Variants in B4GALT1 observed in about 807,000 individuals in gnomAD.
B4GALT1 encodes the protein beta-1,4-galactosyltransferase 1.
In B4GALT1, 16 loss-of-function variants were observed where a neutral mutation model predicts 34.9. The ratio of observed to expected loss-of-function variants is 0.46; its 90% CI spans 0.31 to 0.70. The LOEUF (loss-of-function observed/expected upper bound fraction) is 0.70. Ranked by LOEUF, B4GALT1 falls within the 30% of genes least tolerant of loss-of-function variation. B4GALT1 has a pLI of 0.05. For missense variants in B4GALT1, 445 were observed against 530.5 expected (o/e 0.84, Z 1.58); for synonymous variants, 221 against 218.1 (o/e 1.01, Z -0.12).
chr9:33,170,171 C>G (rs912279831), upstream of B4GALT1, among the ~76,000 whole-genome samples: 3 of 151,682 alleles, frequency 2.0e-5, no homozygotes, highest in South Asian at 4.2e-4. Flanking sequence ...GGGGTTTCAC[C>G]GTGTTATCCA....
At chr9:33,137,804 G>A (rs970652483) in intron 1 of B4GALT1, among the ~76,000 whole-genome samples, 1 of 152,134 alleles carries the variant, frequency 6.6e-6, no homozygotes, top group Admixed American at 6.5e-5. Context: ...AGGGCCCTCG[G>A]GGATTCCCAC....
At chr9:33,153,104 A>T (rs1428656541) in intron 1 of B4GALT1, among the ~76,000 whole-genome samples, 1 of 152,180 alleles carries the variant, frequency 6.6e-6, no homozygotes, top group Non-Finnish European at 1.5e-5. Context: ...CTTCATCAGT[A>T]ATCAGAGAAA....
In B4GALT1 at chr9:33,147,864, T is replaced by C. The variant is rs10453199; in HGVS notation, c.413-12440A>G. ...CCTGAGCAACATATTAAGACTTCCATCTCTAAAAAATAAAATAAAATTAGC... is the reference window on the plus strand; with the variant it reads ...CCTGAGCAACATATTAAGACTTCCACCTCTAAAAAATAAAATAAAATTAGC... On this transcript the variant is annotated intron_variant, in intron 1 of 5. Transcript: ENST00000379731. 6.0e-3 allele frequency among the ~76,000 whole-genome samples: 914 copies of C among 151,682 alleles called. 12 individuals carry two copies. The highest frequency in any genetic ancestry group is 0.021 in the African/African-American group (850 of 41,452).
upstream of B4GALT1, among the ~76,000 whole-genome samples, chr9:33,171,609 C>T (rs1034665698): frequency 1.3e-5 from 2 of 151,906 alleles, no homozygotes; most frequent in Admixed American, 1.3e-4. Flanking sequence ...GCCTGTAGTG[C>T]AGTGGTGTGA....
intron 2 of B4GALT1, among the ~76,000 whole-genome samples, chr9:33,129,911 G>A (rs1005807306): frequency 1.3e-5 from 2 of 152,204 alleles, no homozygotes; most frequent in African/African-American, 4.8e-5. Context: ...GGAAGTGGCT[G>A]GAGGTAGGTC....
At chr9:33,184,467 G>A in the B4GALT1 span, among the ~76,000 whole-genome samples, 1 of 152,158 alleles carries the variant, frequency 6.6e-6, no homozygotes, top group Non-Finnish European at 1.5e-5. Context: ...TCGCCTGCAA[G>A]ACAAAGCAAG....
chr9:33,173,591 G>GGTATGT, the B4GALT1 span, among the ~76,000 whole-genome samples: 59 of 143,166 alleles, frequency 4.1e-4, no homozygotes, highest in African/African-American at 1.5e-3. Context: ...AAATAAGAAT[G>GGTATGT]GTGTGTGTGT....
chr9:33,141,602 C>CT (rs1840351295), intron 1 of B4GALT1, among the ~76,000 whole-genome samples: 1 of 152,140 alleles, frequency 6.6e-6, no homozygotes, highest in Admixed American at 6.5e-5. Context: ...AGGTAACAAA[C>CT]AATAAGCTAA....
intron 2 of B4GALT1, among the ~76,000 whole-genome samples, chr9:33,127,025 G>A (rs181457333): frequency 6.6e-5 from 10 of 152,014 alleles, no homozygotes; most frequent in African/African-American, 2.2e-4. Context: ...GCAGTGGCGC[G>A]ATCTCGGCTC....
chr9:33,106,371 C>T (rs1300751722), downstream of B4GALT1, among the ~76,000 whole-genome samples: 3 of 152,314 alleles, frequency 2.0e-5, no homozygotes, highest in African/African-American at 7.2e-5. Flanking sequence ...CTATTTCTTA[C>T]TCCTGGGAGC....
intron 1 of B4GALT1, among the ~76,000 whole-genome samples, chr9:33,154,778 G>A (rs895647417): frequency 6.6e-6 from 1 of 152,120 alleles, no homozygotes; most frequent in Non-Finnish European, 1.5e-5. Context: ...GGCCACATGC[G>A]GCCAGGATGG....
At chr9:33,137,689 C>T (rs138006271) in intron 1 of B4GALT1, among the ~76,000 whole-genome samples, 3 of 152,282 alleles carry the variant, frequency 2.0e-5, no homozygotes, top group African/African-American at 7.2e-5. Context: ...AAATGGCTAC[C>T]TAACAAGGAG....
chr9:33,108,391 T>C (rs536603462), downstream of B4GALT1, among the ~76,000 whole-genome samples: 8 of 151,572 alleles, frequency 5.3e-5, no homozygotes, highest in African/African-American at 1.9e-4. Flanking sequence ...GGCAAGAGGA[T>C]TGCTTGAAGC....
At chr9:33,150,547 G>T (rs2118243890) in intron 1 of B4GALT1, among the ~76,000 whole-genome samples, 1 of 152,228 alleles carries the variant, frequency 6.6e-6, no homozygotes, top group East Asian at 1.9e-4. Flanking sequence ...CAAAACAATA[G>T]TAATGAAGAA....
At chr9:33,121,817 C>A (rs1471885455) in intron 2 of B4GALT1, among the ~76,000 whole-genome samples, 1 of 152,102 alleles carries the variant, frequency 6.6e-6, no homozygotes, top group Non-Finnish European at 1.5e-5. Context: ...GTTCAACATA[C>A]AATGGCAGAT....
At chr9:33,174,990 AAT>A in the B4GALT1 span, among the ~76,000 whole-genome samples, 29 of 4,836 alleles carry the variant, frequency 6.0e-3, 4 homozygotes, top group African/African-American at 0.015. Flanking sequence ...AAAAAAAAAA[AAT>A]ATATATATAT....
chr9:33,141,499 A>G (rs147983456), intron 1 of B4GALT1, among the ~76,000 whole-genome samples: 152 of 152,314 alleles, frequency 1.0e-3, no homozygotes, highest in Middle Eastern at 6.8e-3. Context: ...CCTGGGCGAC[A>G]GAGCAAGACT....
intron 3 of B4GALT1, among the ~76,000 whole-genome samples, chr9:33,118,420 G>C (rs1839971485): frequency 6.6e-6 from 1 of 152,070 alleles, no homozygotes; most frequent in African/African-American, 2.4e-5. Flanking sequence ...AGCACTTTGG[G>C]AGGTCAAAGC....
At position 33,113,373 on chromosome 9, in the gene B4GALT1, G is replaced by GGT; in HGVS notation, c.*80_*81insAC. The GGT allele has an allele frequency of 6.2e-7, 1 of 1,602,124 alleles. No individual in the cohort carries two copies. The highest frequency in any genetic ancestry group is 8.5e-7 in the Non-Finnish European group (1 of 1,170,244). ...GTCACTCAGACTGGTAAAAATGAGA[G>GGT]GGACCAGCCCAGCAGATTGGCAGAG... On this transcript the variant is annotated 3_prime_UTR_variant, in exon 6 of 6. Transcript: ENST00000379731.
Sources: allele counts gnomAD v4.1 joint callset (sites outside exome capture counted in the v4.1 genomes callset), GRCh38; gene constraint gnomAD v4.1.1; transcripts MANE v1.5; gene names NCBI Gene and HGNC (gene_info 2026-07-23, HGNC 2026-07-21).